The following PTK2B variants were observed in gnomAD, a reference collection of about 807,000 sequenced individuals.
PTK2B encodes the protein protein-tyrosine kinase 2-beta.
A neutral mutation model predicts 142.9 loss-of-function variants in PTK2B; 71 were observed. The ratio of observed to expected loss-of-function variants is 0.50; its 90% CI spans 0.41 to 0.61. PTK2B has a LOEUF of 0.61. Ranked by LOEUF, PTK2B falls within the 20% of genes least tolerant of loss-of-function variation. The pLI is 0.00. For synonymous variants in PTK2B, 519 were observed against 503.4 expected, an observed-to-expected ratio of 1.03 and a Z score of -0.42; for missense variants, 1,105 against 1,320.4, an observed-to-expected ratio of 0.84 and a Z score of 2.53.
intron 23 of PTK2B, 107 bp from the exon 24 acceptor site, chr8:27,445,687 C>G: frequency 6.7e-7 from 1 of 1,502,118 alleles, no homozygotes; most frequent in Admixed American, 1.7e-5. Context: ...AAGCCCCATT[C>G]CCTGTGGTGC....
Position 27,434,501 on chromosome 8 carries a change from C to T in PTK2B, c.1146-12C>T. The T allele has an allele frequency of 6.2e-7, 1 of 1,608,672 alleles. No homozygotes were observed. The highest frequency in any genetic ancestry group is 8.5e-7 in the Non-Finnish European group (1 of 1,177,558). On this transcript the variant is annotated splice_polypyrimidine_tract_variant and intron_variant, in intron 12 of 30. Transcript: ENST00000346049. ...TGAGCTCACCTGGCTTCTGCTCTCTCACCTCCTACAGAAACCTGGAGGCCC... is the reference window on the plus strand; with the variant it reads ...TGAGCTCACCTGGCTTCTGCTCTCTTACCTCCTACAGAAACCTGGAGGCCC...
intron 17 of PTK2B, 123 bp downstream of exon 17, chr8:27,437,619 T>C: frequency 8.3e-7 from 1 of 1,202,906 alleles, no homozygotes; most frequent in Non-Finnish European, 1.2e-6. Context: ...GCCCTGTTTG[T>C]CAAGGAAATT....
rs1156924691 is a variant in PTK2B, at chr8:27,433,397, C to T, written c.988-38C>T. ...CCCTGGGGGTGGTCTCTAGCCAAGG[C>T]TCTGGGGTCTCACCCTTGGCTGGTC... is the stretch of plus-strand genomic sequence containing the variant. On this transcript the variant is annotated intron_variant, in intron 10 of 30. Transcript: ENST00000346049. 5 of 1,558,438 alleles carry T rather than the reference C, an allele frequency of 3.2e-6. No individual in the cohort carries two copies. In the Admixed American group the frequency reaches 8.4e-5, roughly 26 times the overall value.
rs112133314 is a variant in PTK2B, at chr8:27,444,249, T to A, written c.2192T>A (p.Leu731Gln). Residue 731 changes from leucine (L) to glutamine (Q), a missense_variant, in exon 23 of 31, where the codon CTG becomes CAG. Leu to Gln is a moderately radical substitution (Grantham distance 113). Coordinates refer to ENST00000346049, the MANE Select transcript of PTK2B (RefSeq NM_173176.3). ...AGACCCCCTCCGCAAACCAACCTCC[T>A]GGCTCCAAAGCTGCAGTTCCAGGTA... The part of the protein sequence containing the change: ...KYRPPPQTNL[L>Q]APKLQFQVPE... 6.2e-7 allele frequency: 1 copy of A among 1,613,820 alleles called. No homozygotes were observed. Among genetic ancestry groups the A allele is most frequent in the African/African-American group, 1.3e-5 (1 of 75,038 alleles).
chr8:27,394,748 A>G (rs184487564), intron 1 of PTK2B, among the ~76,000 whole-genome samples: 110 of 152,376 alleles, frequency 7.2e-4, no homozygotes, highest in Middle Eastern at 3.4e-3. Flanking sequence ...CTTAAAACAC[A>G]TGTGCATTGT....
At position 27,434,517 on chromosome 8, in the gene PTK2B, C is replaced by G; in HGVS notation, c.1150C>G (p.Leu384Val). 1 of 1,609,594 alleles carries G rather than the reference C, an allele frequency of 6.2e-7. No homozygotes were observed. Reference sequence around the variant, plus strand: ...CTGCTCTCTCACCTCCTACAGAAACCTGGAGGCCCGGCGGTCCCACCTCTC... The same window carrying G: ...CTGCTCTCTCACCTCCTACAGAAACGTGGAGGCCCGGCGGTCCCACCTCTC... ...NSLPQIPMLN[L>V]EARRSHLSES... is the part of the protein sequence containing the mutation. The change falls in exon 13 of 31, where the codon CTG (leucine) becomes GTG (valine). Residue 384 changes from leucine (L) to valine (V), a missense_variant. Leu to Val is a conservative substitution (Grantham distance 32). Coordinates refer to ENST00000346049, the MANE Select transcript of PTK2B (RefSeq NM_173176.3).
In PTK2B at chr8:27,426,388, A is replaced by G. The variant is rs966594462; in HGVS notation, c.552-3705A>G. 2.6e-5 allele frequency among the ~76,000 whole-genome samples: 4 copies of G among 152,230 alleles called. No individual in the cohort carries two copies. The South Asian group carries it at 8.3e-4, about 31-fold the overall frequency. Reference sequence around the variant, plus strand: ...GAGCTGGAAGGACCAGTCAGGCACTAGAGGGCACTCCAGGTAGGCACAGCC... The same window carrying G: ...GAGCTGGAAGGACCAGTCAGGCACTGGAGGGCACTCCAGGTAGGCACAGCC... On this transcript the variant is annotated intron_variant, in intron 5 of 30. Coordinates refer to ENST00000346049, the MANE Select transcript of PTK2B (RefSeq NM_173176.3).
At chr8:27,360,612 G>A (rs901758318) in intron 1 of PTK2B, among the ~76,000 whole-genome samples, 29 of 150,972 alleles carry the variant, frequency 1.9e-4, no homozygotes, top group Admixed American at 1.5e-3. Context: ...ACCCCATGGC[G>A]ATGCAATCAT....
chr8:27,361,365 T>C (rs980188998), intron 1 of PTK2B, among the ~76,000 whole-genome samples: 6 of 152,114 alleles, frequency 3.9e-5, no homozygotes, highest in African/African-American at 1.4e-4. Flanking sequence ...ACCACAGGCA[T>C]GCACCACCAT....
intron 6 of PTK2B, 63 bp downstream of exon 6, chr8:27,430,218 C>T: frequency 6.3e-7 from 1 of 1,582,308 alleles, no homozygotes; most frequent in South Asian, 1.1e-5. Context: ...TTTTCCTCCT[C>T]ACCCTCTCCT....
At chr8:27,431,515 G>C in intron 9 of PTK2B, 43 bp downstream of exon 9, 2 of 1,610,942 alleles carry the variant, frequency 1.2e-6, no homozygotes, top group South Asian at 2.2e-5. Flanking sequence ...CAGGCGGGGA[G>C]GTCGTCCCCT....
At chr8:27,344,953 C>G (rs968284558) in intron 1 of PTK2B, among the ~76,000 whole-genome samples, 3 of 152,154 alleles carry the variant, frequency 2.0e-5, no homozygotes, top group African/African-American at 7.2e-5. Flanking sequence ...GGGTGGATCA[C>G]TTGAGATCAG....
At chr8:27,413,194 T>G (rs953660311) in intron 2 of PTK2B, among the ~76,000 whole-genome samples, 2 of 152,224 alleles carry the variant, frequency 1.3e-5, no homozygotes, top group Non-Finnish European at 2.9e-5. Flanking sequence ...GTTATTCTTT[T>G]TTCTGAACTA....
intron 28 of PTK2B, 43 bp downstream of exon 28, chr8:27,453,203 T>C (rs761073496): frequency 1.9e-6 from 3 of 1,608,938 alleles, no homozygotes; most frequent in African/African-American, 2.7e-5. Flanking sequence ...AGAGTGGGGG[T>C]TGCACAAAAC....
rs1365977597 is a variant in PTK2B, at chr8:27,449,832, G to A, written c.2341-917G>A. Among the ~76,000 whole-genome samples, 3 of 152,198 alleles carry A rather than the reference G, an allele frequency of 2.0e-5. No homozygotes were observed. The East Asian group carries it at 5.8e-4, about 29-fold the overall frequency. On this transcript the variant is annotated intron_variant, in intron 24 of 30. Coordinates refer to ENST00000346049, the MANE Select transcript of PTK2B (RefSeq NM_173176.3). The stretch of plus-strand genomic sequence containing the variant: ...GAACTAGCAGCTAAAATTATGAATA[G>A]GTCCAAAGCCCCAGAGGTAAGTTAA...
At chr8:27,413,780 C>A (rs1030314074) in intron 2 of PTK2B, among the ~76,000 whole-genome samples, 1 of 152,210 alleles carries the variant, frequency 6.6e-6, no homozygotes, top group African/African-American at 2.4e-5. Context: ...AACCTCCACC[C>A]TCTAGCTTCA....
At chr8:27,376,700 C>T (rs969647028) in intron 1 of PTK2B, among the ~76,000 whole-genome samples, 4 of 152,200 alleles carry the variant, frequency 2.6e-5, no homozygotes, top group African/African-American at 4.8e-5. Flanking sequence ...GCTACACTCC[C>T]ACCAGTGCCA....
intron 1 of PTK2B, among the ~76,000 whole-genome samples, chr8:27,375,623 C>T (rs1007525885): frequency 6.6e-6 from 1 of 152,190 alleles, no homozygotes; most frequent in Non-Finnish European, 1.5e-5. Flanking sequence ...GCCTCCTGGT[C>T]ATAAGCTACT....
intron 1 of PTK2B, among the ~76,000 whole-genome samples, chr8:27,327,555 G>A (rs1803492744): frequency 6.6e-6 from 1 of 152,186 alleles, no homozygotes; most frequent in Admixed American, 6.5e-5. Context: ...GCTGAGGTTG[G>A]CGCAATGCTG....
Sources: allele counts gnomAD v4.1 joint callset (sites outside exome capture counted in the v4.1 genomes callset), GRCh38; gene constraint gnomAD v4.1.1; transcripts MANE v1.5; gene names NCBI Gene and HGNC (gene_info 2026-07-23, HGNC 2026-07-21).